Variants in NEBL observed in about 807,000 individuals in gnomAD.
NEBL encodes nebulette.
In NEBL, 122 loss-of-function variants were observed where a neutral mutation model predicts 140.2. The ratio of observed to expected loss-of-function variants is 0.87; its 90% confidence interval spans 0.75 to 1.01. The LOEUF (loss-of-function observed/expected upper bound fraction) is 1.01. NEBL is among the 50% of genes least tolerant of loss of function. The pLI, the probability that NEBL is intolerant of heterozygous loss-of-function variation, is 0.00. For missense variants in NEBL, 1,365 were observed against 1,231.3 expected, an observed-to-expected ratio of 1.11 and a Z score of -1.62; for synonymous variants, 436 against 398.9, an observed-to-expected ratio of 1.09 and a Z score of -1.11.
chr10:21,208,367 A>G (rs750573052), intron 3 of NEBL, among the ~76,000 whole-genome samples: 1 of 152,170 alleles, frequency 6.6e-6, no homozygotes, highest in Admixed American at 6.6e-5. Flanking sequence ...AGGGAACTAT[A>G]ATCTTGTAAC....
At chr10:20,803,790 A>C (rs1166236650) in intron 26 of NEBL, among the ~76,000 whole-genome samples, 1 of 146,758 alleles carries the variant, frequency 6.8e-6, no homozygotes, top group African/African-American at 2.6e-5. Flanking sequence ...AATCATGGAG[A>C]CTTCTTTCCT....
At chr10:20,870,325 C>CAAAAA (rs35138107) in intron 5 of NEBL, among the ~76,000 whole-genome samples, 13 of 107,864 alleles carry the variant, frequency 1.2e-4, no homozygotes, top group African/African-American at 4.4e-4. Flanking sequence ...GACTTTATCT[C>CAAAAA]AAAAAAAAAA....
rs183707365 is a variant in NEBL, at chr10:21,172,241, C to T, written c.164+142G>A. ...GTGATCGTCAACAAAGTACATGGCCCCAGAGTCTGTGATATAAACAGGTAA... is the reference window on the plus strand; with the variant it reads ...GTGATCGTCAACAAAGTACATGGCCTCAGAGTCTGTGATATAAACAGGTAA... On this transcript the variant is annotated intron_variant, in intron 2 of 6. Coordinates refer to the NEBL transcript ENST00000417816. 1.5e-3 allele frequency: 1,043 copies of T among 712,214 alleles called. 2 individuals are homozygous for T. The highest frequency in any genetic ancestry group is 2.2e-3 in the Non-Finnish European group (871 of 390,138). 44.1% of individuals were successfully genotyped at this position (712,214 alleles called of 1,614,324 possible). A position where few individuals can be genotyped will look rare whatever the true frequency, so the allele number is the denominator to read the frequency against.
At chr10:20,935,279 T>C (rs776757830) in intron 4 of NEBL, among the ~76,000 whole-genome samples, 6 of 152,230 alleles carry the variant, frequency 3.9e-5, no homozygotes, top group Non-Finnish European at 5.9e-5. Flanking sequence ...CATAGATTCA[T>C]TTCTGGATAA....
At chr10:20,879,850 T>C (rs1845851693) in intron 5 of NEBL, among the ~76,000 whole-genome samples, 1 of 152,098 alleles carries the variant, frequency 6.6e-6, no homozygotes, top group Admixed American at 6.6e-5. Context: ...TCCCTACAAT[T>C]CCAGGAAGAA....
In NEBL at chr10:20,977,208, C is replaced by T. The variant is rs1308736424; in HGVS notation, c.250-15429G>A. Among the ~76,000 whole-genome samples the T allele has an allele frequency of 2.6e-5, 4 of 152,174 alleles. No homozygotes were observed. The East Asian group carries it at 5.8e-4, about 22-fold the overall frequency. ...TTTAGATAGAAGCCGGAAGTCAGCA[C>T]GTCACATTCACTTAAGAAGGGACAA... is the stretch of plus-strand genomic sequence containing the variant. On this transcript the variant is annotated intron_variant, in intron 3 of 6. Transcript: ENST00000417816.
intron 7 of NEBL, among the ~76,000 whole-genome samples, chr10:20,861,460 T>A (rs1843695948): frequency 6.6e-6 from 1 of 152,200 alleles, no homozygotes; most frequent in South Asian, 2.1e-4. Context: ...ATTACAGGCG[T>A]GAGCCACCGC....
chr10:20,940,248 G>C (rs893124889), intron 4 of NEBL, among the ~76,000 whole-genome samples: 31 of 151,976 alleles, frequency 2.0e-4, no homozygotes, highest in African/African-American at 7.0e-4. Flanking sequence ...TCAGACCACA[G>C]TGCAATCAAA....
At chr10:21,061,382 TCA>T (rs1835293656) in intron 2 of NEBL, among the ~76,000 whole-genome samples, 8 of 148,364 alleles carry the variant, frequency 5.4e-5, no homozygotes, top group African/African-American at 1.7e-4. Flanking sequence ...ATGTTTTATA[TCA>T]TATATCATAT....
intron 3 of NEBL, among the ~76,000 whole-genome samples, chr10:21,196,517 G>T (rs1328559031): frequency 6.6e-6 from 1 of 151,282 alleles, no homozygotes; most frequent in Non-Finnish European, 1.5e-5. Flanking sequence ...GCTAATTTTT[G>T]TATTTTTAAT....
intron 3 of NEBL, among the ~76,000 whole-genome samples, chr10:21,231,525 C>T (rs192416580): frequency 6.6e-5 from 10 of 151,106 alleles, no homozygotes; most frequent in South Asian, 2.1e-4. Flanking sequence ...GGCAACAGAG[C>T]GAGACTCTGT....
chr10:20,896,483 C>CATATAT (rs57289458), intron 2 of NEBL, among the ~76,000 whole-genome samples: 9,139 of 86,778 alleles, frequency 0.11, 1,054 homozygotes, highest in Non-Finnish European at 0.14. Context: ...ATATTATATG[C>CATATAT]ATATATATAT....
At chr10:20,864,124 T>A (rs1844018916) in intron 7 of NEBL, among the ~76,000 whole-genome samples, 2 of 152,198 alleles carry the variant, frequency 1.3e-5, no homozygotes, top group East Asian at 3.8e-4. Context: ...TAGCTTTTCC[T>A]TGAGGTTATA....
intron 2 of NEBL, among the ~76,000 whole-genome samples, chr10:21,134,616 T>G (rs1383905703): frequency 1.3e-5 from 2 of 152,248 alleles, no homozygotes; most frequent in Non-Finnish European, 2.9e-5. Context: ...TCAAAAGTGA[T>G]GTCCATCCAG....
chr10:20,837,555 A>G (rs1841019458), intron 13 of NEBL, among the ~76,000 whole-genome samples: 1 of 152,220 alleles, frequency 6.6e-6, no homozygotes. Flanking sequence ...GCTGATGGAG[A>G]AGCCACAGCA....
intron 21 of NEBL, among the ~76,000 whole-genome samples, chr10:20,817,148 G>A (rs1271303304): frequency 6.6e-6 from 1 of 152,138 alleles, no homozygotes; most frequent in East Asian, 1.9e-4. Context: ...GGGAGGCCAA[G>A]GTGGCCGGAT....
At chr10:20,844,527 C>T (rs1403413426) in intron 12 of NEBL, among the ~76,000 whole-genome samples, 1 of 147,132 alleles carries the variant, frequency 6.8e-6, no homozygotes, top group Non-Finnish European at 1.5e-5. Flanking sequence ...AAAAAAAAAG[C>T]TTTTAAAGGT....
At chr10:20,941,377 T>C (rs1296148758) in intron 4 of NEBL, among the ~76,000 whole-genome samples, 1 of 152,142 alleles carries the variant, frequency 6.6e-6, no homozygotes, top group Non-Finnish European at 1.5e-5. Flanking sequence ...TTTGACAAAA[T>C]TCAACAACCT....
intron 2 of NEBL, among the ~76,000 whole-genome samples, chr10:21,105,395 T>A (rs1441796207): frequency 1.3e-5 from 2 of 152,076 alleles, no homozygotes; most frequent in East Asian, 3.9e-4. Context: ...GTCCATGTGT[T>A]CTCATTGTTC....
Sources: allele counts gnomAD v4.1 joint callset (sites outside exome capture counted in the v4.1 genomes callset), GRCh38; gene constraint gnomAD v4.1.1; transcripts MANE v1.5; gene names NCBI Gene and HGNC (gene_info 2026-07-23, HGNC 2026-07-21).